Variants in UBAC2 observed in about 807,000 individuals in gnomAD.
UBAC2 encodes the protein ubiquitin-associated domain-containing protein 2.
Under a neutral mutation model 44.0 loss-of-function variants are expected in UBAC2, and 26 were observed. That is an observed-to-expected ratio of 0.59 (90% CI 0.43 to 0.82). UBAC2 has a LOEUF of 0.82. UBAC2 is among the 40% of genes least tolerant of loss of function. The probability of loss-of-function intolerance (pLI) is 0.00; values close to 1 mark genes in which losing one functional copy is unlikely to be tolerated. For synonymous variants in UBAC2, 155 were observed against 154.3 expected, an observed-to-expected ratio of 1.00 and a Z score of -0.04; for missense variants, 329 against 419.4, an observed-to-expected ratio of 0.78 and a Z score of 1.88.
chr13:99,254,556 T>C (rs2043505662), intron 4 of UBAC2, among the ~76,000 whole-genome samples: 3 of 152,280 alleles, frequency 2.0e-5, no homozygotes, highest in South Asian at 2.1e-4. Flanking sequence ...TGCATCTAGA[T>C]AGAAAATAAT....
At chr13:99,274,440 T>G (rs1271673520) in intron 4 of UBAC2, among the ~76,000 whole-genome samples, 1 of 151,590 alleles carries the variant, frequency 6.6e-6, no homozygotes, top group East Asian at 1.9e-4. Context: ...TTCTCCTGCC[T>G]CAGCCTCCCC....
chr13:99,370,686 G>A (rs546978962), intron 8 of UBAC2, among the ~76,000 whole-genome samples: 36 of 152,308 alleles, frequency 2.4e-4, no homozygotes, highest in Non-Finnish European at 4.6e-4. Flanking sequence ...CCACCCATGG[G>A]TAAGGCTGTG....
chr13:99,314,495 T>C (rs1382310241), intron 5 of UBAC2, among the ~76,000 whole-genome samples: 1 of 152,226 alleles, frequency 6.6e-6, no homozygotes, highest in Middle Eastern at 3.2e-3. Flanking sequence ...CATTGTACAA[T>C]TGCATGTGCG....
chr13:99,211,914 C>G (rs192968596), intron 1 of UBAC2, among the ~76,000 whole-genome samples: 1 of 152,326 alleles, frequency 6.6e-6, no homozygotes, highest in East Asian at 1.9e-4. Context: ...AGCCTCCTTC[C>G]TGGGTTCTAC....
intron 1 of UBAC2, chr13:99,201,546 G>C: frequency 6.2e-7 from 1 of 1,614,122 alleles, no homozygotes; most frequent in South Asian, 1.1e-5. Context: ...TGTTTTCCTG[G>C]CGTGTTAGCG....
intron 8 of UBAC2, among the ~76,000 whole-genome samples, chr13:99,368,726 T>TGTGTGTGTGTGTGTGTAC (rs57174182): frequency 6.9e-6 from 1 of 145,480 alleles, no homozygotes; most frequent in Admixed American, 6.8e-5. Context: ...TGTGTGTGTG[T>TGTGTGTGTGTGTGTGTAC]ACACATACCC....
intron 6 of UBAC2, among the ~76,000 whole-genome samples, chr13:99,323,755 A>G (rs1015756734): frequency 1.3e-5 from 2 of 152,156 alleles, no homozygotes. Context: ...GAAGCCTTCT[A>G]TTAATATATT....
At chr13:99,201,123 C>T in intron 1 of UBAC2, 184 bp downstream of exon 1, 1 of 1,353,278 alleles carries the variant, frequency 7.4e-7, no homozygotes, top group Non-Finnish European at 9.6e-7. Context: ...CCCATTTCGG[C>T]CTGGAGGGGC....
chr13:99,353,846 T>C (rs1481014817), intron 7 of UBAC2, among the ~76,000 whole-genome samples: 3 of 152,140 alleles, frequency 2.0e-5, no homozygotes, highest in Non-Finnish European at 4.4e-5. Flanking sequence ...GAAGCCTTGA[T>C]TTCGTGCAAC....
intron 4 of UBAC2, among the ~76,000 whole-genome samples, chr13:99,288,626 G>C (rs569722498): frequency 1.3e-5 from 2 of 152,208 alleles, no homozygotes; most frequent in East Asian, 3.9e-4. Flanking sequence ...AGCTAGTGGT[G>C]CTCCTCTTAT....
chr13:99,280,937 T>C (rs8000934), intron 4 of UBAC2, among the ~76,000 whole-genome samples: 147,928 of 152,212 alleles, frequency 0.97, 72,015 homozygotes, highest in East Asian at 1. Context: ...TGTAATCCCA[T>C]CACTTTGGGA....
chr13:99,378,568 C>G (rs1009293180), intron 8 of UBAC2, among the ~76,000 whole-genome samples: 1 of 152,200 alleles, frequency 6.6e-6, no homozygotes, highest in Non-Finnish European at 1.5e-5. Context: ...TCCACTTCTT[C>G]TGGCTTACTG....
chr13:99,348,106 G>A (rs373776628), intron 7 of UBAC2, among the ~76,000 whole-genome samples: 4 of 152,096 alleles, frequency 2.6e-5, no homozygotes, highest in African/African-American at 4.8e-5. Flanking sequence ...ACACTGCCAG[G>A]GCCATTACAT....
At chr13:99,249,511 T>G (rs2043431879) in intron 4 of UBAC2, among the ~76,000 whole-genome samples, 1 of 152,206 alleles carries the variant, frequency 6.6e-6, no homozygotes, top group African/African-American at 2.4e-5. Context: ...TGTGAGTGCG[T>G]GTGTCTTTTT....
intron 7 of UBAC2, among the ~76,000 whole-genome samples, chr13:99,360,955 C>T (rs1251949002): frequency 2.6e-5 from 4 of 152,208 alleles, no homozygotes; most frequent in Non-Finnish European, 4.4e-5. Flanking sequence ...TGCCCGAGGT[C>T]AGCCACCCGT....
chr13:99,327,472 TTC>T (rs377361851), intron 6 of UBAC2, among the ~76,000 whole-genome samples: 2 of 149,806 alleles, frequency 1.3e-5, no homozygotes, highest in African/African-American at 2.4e-5. Context: ...TTTTTGGTTT[TTC>T]TCTCTCTCTC....
At chr13:99,277,638 C>T (rs2043901291) in intron 4 of UBAC2, among the ~76,000 whole-genome samples, 2 of 152,226 alleles carry the variant, frequency 1.3e-5, no homozygotes, top group Admixed American at 6.5e-5. Context: ...ATAGTTACCT[C>T]TACAATCATT....
intron 1 of UBAC2, among the ~76,000 whole-genome samples, chr13:99,204,643 G>A (rs1267020356): frequency 2.6e-5 from 4 of 152,078 alleles, no homozygotes; most frequent in African/African-American, 7.3e-5. Flanking sequence ...GGCATTACAC[G>A]CTGCAGAGAT....
chr13:99,206,085 A>C (rs2042868735), intron 1 of UBAC2: 1 of 152,846 alleles, frequency 6.5e-6, no homozygotes, highest in African/African-American at 2.4e-5. Context: ...CCCAGTCACT[A>C]GAGAGGGAAT....
Sources: allele counts gnomAD v4.1 joint callset (sites outside exome capture counted in the v4.1 genomes callset), GRCh38; gene constraint gnomAD v4.1.1; transcripts MANE v1.5; gene names NCBI Gene and HGNC (gene_info 2026-07-23, HGNC 2026-07-21).